SPINK8: variants seen among roughly 807,000 people sequenced by gnomAD.
SPINK8 encodes serine protease inhibitor Kazal-type 8.
Under a neutral mutation model 14.4 loss-of-function variants are expected in SPINK8, and 12 were observed. That is an observed-to-expected ratio of 0.83 (90% CI 0.53 to 1.35). The LOEUF (loss-of-function observed/expected upper bound fraction) is 1.35. SPINK8 is among the 40% of genes most tolerant of loss of function. SPINK8 has a pLI of 0.00. For synonymous variants in SPINK8, 32 were observed against 37.6 expected (o/e 0.85, Z 0.55); for missense variants, 103 against 117.0 (o/e 0.88, Z 0.55).
intron 6 of SPINK8, among the ~76,000 whole-genome samples, chr3:48,311,796 A>T (rs1471640019): frequency 6.6e-6 from 1 of 152,234 alleles, no homozygotes; most frequent in Admixed American, 6.5e-5. Context: ...TTAATTTAAG[A>T]TGACAATACT....
At chr3:48,319,437 T>A (rs1298044646) in intron 6 of SPINK8, 60 bp downstream of exon 6, 1 of 1,600,512 alleles carries the variant, frequency 6.2e-7, no homozygotes, top group Non-Finnish European at 8.5e-7. Context: ...GTCATCACCC[T>A]CTTTTGACCA....
chr3:48,327,082 G>A (rs528452022), intron 4 of SPINK8, among the ~76,000 whole-genome samples: 139 of 152,272 alleles, frequency 9.1e-4, no homozygotes, highest in Non-Finnish European at 1.8e-3. Context: ...TGGGTGCTGG[G>A]AAACCCAGCA....
chr3:48,324,903 C>A (rs916359553), intron 4 of SPINK8, among the ~76,000 whole-genome samples: 1 of 152,130 alleles, frequency 6.6e-6, no homozygotes, highest in Non-Finnish European at 1.5e-5. Context: ...ATGTCTCCAA[C>A]CATTATTGTT....
intron 6 of SPINK8, among the ~76,000 whole-genome samples, chr3:48,311,354 C>T (rs2035923071): frequency 6.6e-6 from 1 of 152,088 alleles, no homozygotes; most frequent in African/African-American, 2.4e-5. Flanking sequence ...CCTGCTTTCA[C>T]CACTGAGATT....
rs73831568 is a variant in SPINK8, at chr3:48,324,663, A to G, written c.68-3589T>C. Among the ~76,000 whole-genome samples the G allele has an allele frequency of 6.4e-3, 982 of 152,348 alleles. 8 individuals carry two copies. Among genetic ancestry groups the G allele is most frequent in the African/African-American group, 0.022 (912 of 41,584 alleles). On this transcript the variant is annotated intron_variant, in intron 4 of 7. Coordinates refer to ENST00000434006, the MANE Select transcript of SPINK8 (RefSeq NM_001080525.3). ...CTATATAGTAGAAAAATTACTTTAC[A>G]TGATTTCAATCCTTTTAGATTTATT...
Position 48,331,123 on chromosome 3 carries a change from G to A in SPINK8, c.-136+1243C>T, listed in dbSNP as rs757968235. ...ATTCTGGAAGAGACAAACTTAACAA[G>A]GAGGTTAAAGATACAGGGATTGAAA... is the stretch of plus-strand genomic sequence containing the variant. On this transcript the variant is annotated intron_variant, in intron 2 of 7. Coordinates refer to ENST00000434006, the MANE Select transcript of SPINK8 (RefSeq NM_001080525.3). 2.0e-5 allele frequency among the ~76,000 whole-genome samples: 3 copies of A among 152,262 alleles called. No homozygotes were observed. The East Asian group carries it at 5.8e-4, about 29-fold the overall frequency.
intron 4 of SPINK8, among the ~76,000 whole-genome samples, chr3:48,325,997 C>T (rs1419502947): frequency 6.6e-6 from 1 of 151,626 alleles, no homozygotes. Context: ...TCTGCCTCAC[C>T]TGGGATGGAG....
intron 4 of SPINK8, among the ~76,000 whole-genome samples, chr3:48,322,341 TG>T (rs2036086847): frequency 6.6e-6 from 1 of 151,690 alleles, no homozygotes; most frequent in Admixed American, 6.6e-5. Context: ...TGTTTCTTTT[TG>T]TTTTTTTTTT....
intron 6 of SPINK8, among the ~76,000 whole-genome samples, chr3:48,311,443 G>A (rs1294735960): frequency 6.6e-6 from 1 of 152,120 alleles, no homozygotes; most frequent in Non-Finnish European, 1.5e-5. Context: ...AAAGGAAGAA[G>A]TAAAATGATC....
At chr3:48,315,591 C>T (rs1042345852) in intron 6 of SPINK8, among the ~76,000 whole-genome samples, 1 of 151,704 alleles carries the variant, frequency 6.6e-6, no homozygotes, top group African/African-American at 2.4e-5. Flanking sequence ...CTTGATGGCA[C>T]AAGCCTGTAA....
chr3:48,321,107 TTC>T lies in SPINK8; in HGVS notation c.68-35_68-34del, dbSNP rs759069488. 2.6e-5 allele frequency: 40 copies of T among 1,555,746 alleles called. 1 individual carries two copies. Among genetic ancestry groups the T allele is most frequent in the Admixed American group, 2.1e-4 (11 of 51,426 alleles). ...ACAAAAGCACATACAGAAAAGTTGC[TTC>T]TCTGTCTTCTGCCCTCAGCGAAAAA... is the stretch of plus-strand genomic sequence containing the variant. On this transcript the variant is annotated intron_variant, in intron 4 of 7. Transcript: ENST00000434006.
At position 48,329,227 on chromosome 3, in the gene SPINK8, A is replaced by G. The variant is rs1006029122; in HGVS notation, c.-88T>C. On this transcript the variant is annotated 5_prime_UTR_variant, in exon 3 of 8. Transcript: ENST00000434006. ...TTTTGTTGATAGTTTGTTCATAATG[A>G]ACTAGGAAGGAAGGCAAAGCTTATT... 1.3e-5 allele frequency among the ~76,000 whole-genome samples: 2 copies of G among 152,216 alleles called. No homozygotes were observed. The highest frequency in any genetic ancestry group is 2.9e-5 in the Non-Finnish European group (2 of 68,038).
chr3:48,328,179 A>C, intron 4 of SPINK8, 96 bp downstream of exon 4: 1 of 958,330 alleles, frequency 1.0e-6, no homozygotes, highest in Non-Finnish European at 1.5e-6. Flanking sequence ...TTAGGATTAA[A>C]TAAAACTGAA....
chr3:48,312,996 C>CAAAAAAAAAAAAAAAAA (rs57016387), intron 6 of SPINK8, among the ~76,000 whole-genome samples: 3 of 122,006 alleles, frequency 2.5e-5, no homozygotes, highest in Non-Finnish European at 3.5e-5. Context: ...GACTCTGTCT[C>CAAAAAAAAAAAAAAAAA]AAAAAAAAAA....
intron 3 of SPINK8, 40 bp from the exon 4 acceptor site, chr3:48,328,394 A>G: frequency 1.4e-6 from 2 of 1,479,358 alleles, no homozygotes; most frequent in East Asian, 2.3e-5. Flanking sequence ...ACAAACATCT[A>G]TGCGAAGTAC....
chr3:48,310,484 A>G (rs1026994420), intron 6 of SPINK8, among the ~76,000 whole-genome samples: 1 of 147,880 alleles, frequency 6.8e-6, no homozygotes, highest in Non-Finnish European at 1.5e-5. Flanking sequence ...ACTGAATTCT[A>G]CCAAAAAAAA....
chr3:48,308,011 G>T (rs982269509), intron 7 of SPINK8, among the ~76,000 whole-genome samples: 4 of 124,456 alleles, frequency 3.2e-5, no homozygotes, highest in African/African-American at 6.1e-5. Flanking sequence ...TCTCACTCTG[G>T]CGCCCAGGCT....
chr3:48,322,969 T>C (rs1015416585), intron 4 of SPINK8, among the ~76,000 whole-genome samples: 4 of 152,212 alleles, frequency 2.6e-5, no homozygotes, highest in Non-Finnish European at 5.9e-5. Context: ...GCCAGTCATA[T>C]TCCAACCTTT....
Position 48,321,151 on chromosome 3 carries a change from C to T in SPINK8, c.68-77G>A, listed in dbSNP as rs1334681151. 11 of 1,420,250 alleles carry T rather than the reference C, an allele frequency of 7.7e-6. No homozygotes were observed. In the African/African-American group the frequency reaches 1.0e-4, roughly 13 times the overall value. The allele number at this position is 1,420,250 out of a possible 1,614,324, so 88.0% of individuals were successfully genotyped here. On this transcript the variant is annotated intron_variant, in intron 4 of 7. Coordinates refer to ENST00000434006, the MANE Select transcript of SPINK8 (RefSeq NM_001080525.3). ...AGCGAAAAAGGTAAGATGAGGGGAA[C>T]CCTAGTTGGCACACAGGAAGCATCA...
Sources: gnomAD v4.1 joint callset for allele counts (sites outside exome capture counted in the v4.1 genomes callset) on GRCh38, gnomAD v4.1.1 for gene constraint, MANE v1.5 for transcripts, NCBI Gene and HGNC (gene_info 2026-07-23, HGNC 2026-07-21) for gene names.